SCMH1: variants seen among roughly 807,000 people sequenced by gnomAD.
SCMH1 encodes Scm polycomb group protein homolog 1.
A neutral mutation model predicts 70.8 loss-of-function variants in SCMH1; 37 were observed. The ratio of observed to expected loss-of-function variants is 0.52; its 90% CI spans 0.40 to 0.69. SCMH1 has a LOEUF of 0.69. SCMH1 is among the 30% of genes least tolerant of loss of function. SCMH1 has a pLI of 0.00. For missense variants in SCMH1, 607 were observed against 827.3 expected, an observed-to-expected ratio of 0.73 and a Z score of 3.27; for synonymous variants, 292 against 307.4, an observed-to-expected ratio of 0.95 and a Z score of 0.52.
intron 6 of SCMH1, among the ~76,000 whole-genome samples, chr1:41,130,575 G>C (rs1342544254): frequency 6.6e-6 from 1 of 151,932 alleles, no homozygotes; most frequent in African/African-American, 2.4e-5. Context: ...TTTTGCATGT[G>C]TATATGTCAT....
At chr1:41,184,456 A>T (rs1649637853) in intron 2 of SCMH1, among the ~76,000 whole-genome samples, 12 of 152,186 alleles carry the variant, frequency 7.9e-5, no homozygotes, top group Admixed American at 7.9e-4. Context: ...TTATGTTTAG[A>T]TTCATTCATT....
chr1:41,118,749 C>A (rs1450454227), intron 6 of SCMH1, among the ~76,000 whole-genome samples: 1 of 152,166 alleles, frequency 6.6e-6, no homozygotes, highest in African/African-American at 2.4e-5. Flanking sequence ...CCAATTAGAG[C>A]CCCAAGTGCT....
chr1:41,180,834 T>G (rs1335547840), intron 2 of SCMH1, among the ~76,000 whole-genome samples: 2 of 152,094 alleles, frequency 1.3e-5, no homozygotes, highest in Non-Finnish European at 2.9e-5. Flanking sequence ...CTCCACAGAA[T>G]TGGAAAAAAC....
chr1:41,198,983 C>A (rs532433531), intron 1 of SCMH1, among the ~76,000 whole-genome samples: 2 of 151,940 alleles, frequency 1.3e-5, no homozygotes, highest in African/African-American at 4.8e-5. Flanking sequence ...TTATTAAACA[C>A]GCCAAGGTAT....
chr1:41,194,907 C>T (rs1037635985), intron 1 of SCMH1, among the ~76,000 whole-genome samples: 17 of 151,856 alleles, frequency 1.1e-4, no homozygotes, highest in Non-Finnish European at 2.2e-4. Context: ...TTTGGGAGGC[C>T]GAGGTGGGTG....
At chr1:41,211,551 C>T (rs1657028413) in intron 1 of SCMH1, among the ~76,000 whole-genome samples, 1 of 152,198 alleles carries the variant, frequency 6.6e-6, no homozygotes, top group Non-Finnish European at 1.5e-5. Context: ...TATAGGAACA[C>T]CTTTACACTG....
At chr1:41,028,864 G>T in intron 13 of SCMH1, 138 bp from the exon 15 acceptor site, 1 of 904,452 alleles carries the variant, frequency 1.1e-6, no homozygotes. Flanking sequence ...ACTGGAGATA[G>T]CTGGGGGAGG....
chr1:41,068,795 G>T (rs1655532532), intron 10 of SCMH1, among the ~76,000 whole-genome samples: 2 of 152,110 alleles, frequency 1.3e-5, no homozygotes, highest in South Asian at 4.1e-4. Context: ...GGAATTAAGA[G>T]AAATTTCCAA....
chr1:41,084,065 G>T (rs1660846390), intron 8 of SCMH1, among the ~76,000 whole-genome samples: 1 of 152,054 alleles, frequency 6.6e-6, no homozygotes, highest in Non-Finnish European at 1.5e-5. Flanking sequence ...CACAGGCATG[G>T]GCAAGGACTT....
exon 13 of SCMH1, chr1:41,037,493 T>C (rs1277128261): frequency 3.7e-6 from 6 of 1,614,006 alleles, no homozygotes; most frequent in African/African-American, 2.7e-5. Flanking sequence ...TGAGTCTGAG[T>C]GTGGTTCCAA....
intron 9 of SCMH1, among the ~76,000 whole-genome samples, chr1:41,074,700 T>C (rs1657658527): frequency 6.6e-6 from 1 of 152,156 alleles, no homozygotes; most frequent in Non-Finnish European, 1.5e-5. Flanking sequence ...TAAAATTTGT[T>C]TCCTATCCTC....
chr1:41,120,357 T>C (rs11209576), intron 6 of SCMH1, among the ~76,000 whole-genome samples: 16,515 of 152,188 alleles, frequency 0.11, 1,276 homozygotes, highest in East Asian at 0.28. Context: ...TACTCAATAT[T>C]TGAAATAACA....
intron 1 of SCMH1, among the ~76,000 whole-genome samples, chr1:41,212,706 T>G (rs565997633): frequency 6.6e-6 from 1 of 152,308 alleles, no homozygotes; most frequent in South Asian, 2.1e-4. Flanking sequence ...TAGAAAATAT[T>G]GAGATACATG....
chr1:41,150,289 A>T (rs1644950682), intron 5 of SCMH1, among the ~76,000 whole-genome samples: 1 of 151,952 alleles, frequency 6.6e-6, no homozygotes, highest in Non-Finnish European at 1.5e-5. Context: ...GATCACCTGA[A>T]ATCAGGAGCT....
chr1:41,196,422 A>C (rs930309656), intron 1 of SCMH1, among the ~76,000 whole-genome samples: 2 of 152,180 alleles, frequency 1.3e-5, no homozygotes, highest in African/African-American at 4.8e-5. Flanking sequence ...TTTCAATAAA[A>C]GTCCCAAGAC....
At chr1:41,166,658 G>C (rs1479402571) in intron 2 of SCMH1, among the ~76,000 whole-genome samples, 1 of 84,960 alleles carries the variant, frequency 1.2e-5, no homozygotes, top group Non-Finnish European at 2.2e-5. Context: ...TTCACTGTTA[G>C]TGTATAGAAA....
chr1:41,190,775 C>T (rs921625323), intron 1 of SCMH1, among the ~76,000 whole-genome samples: 4 of 152,212 alleles, frequency 2.6e-5, no homozygotes, highest in African/African-American at 4.8e-5. Flanking sequence ...ACAACAGCAT[C>T]ATCACCACCA....
chr1:41,161,601 TGGCA>T lies in SCMH1; in HGVS notation c.14-173_14-170del, dbSNP rs769536090. On this transcript the variant is annotated intron_variant, in intron 2 of 14. Transcript: ENST00000337495. The stretch of plus-strand genomic sequence containing the variant: ...GAAAAAGGTTTTATGTAAAAAGCCT[TGGCA>T]TTGTTTACAATAACAAAAAAAGGAA... 1.3e-3 allele frequency: 909 copies of T among 689,832 alleles called. 2 individuals are homozygous for T. Among genetic ancestry groups the T allele is most frequent in the Non-Finnish European group, 1.8e-3 (856 of 464,832 alleles). The allele number at this position is 689,832 out of a possible 1,614,324, so 42.7% of individuals were successfully genotyped here. A position where few individuals can be genotyped will look rare whatever the true frequency, so the allele number is the denominator to read the frequency against.
chr1:41,080,844 T>C (rs1223385245), intron 8 of SCMH1, among the ~76,000 whole-genome samples: 11 of 152,162 alleles, frequency 7.2e-5, no homozygotes, highest in East Asian at 1.9e-4. Context: ...ACACTTCTTA[T>C]TGAATTATGG....
Sources: gnomAD v4.1 joint callset for allele counts (sites outside exome capture counted in the v4.1 genomes callset) on GRCh38, gnomAD v4.1.1 for gene constraint, MANE v1.5 for transcripts, NCBI Gene and HGNC (gene_info 2026-07-23, HGNC 2026-07-21) for gene names.